The following OTULINL variants were observed in gnomAD, a reference collection of about 807,000 sequenced individuals.
OTULINL encodes OTU deubiquitinase with linear linkage specificity like.
OTULINL carries 42 observed loss-of-function variants against 43.9 expected under a neutral mutation model. The ratio of observed to expected loss-of-function variants is 0.96; its 90% confidence interval spans 0.75 to 1.24. OTULINL has a LOEUF of 1.24. Among genes scored for constraint, OTULINL ranks in the 50% most tolerant of loss-of-function variants. The pLI, the probability that OTULINL is intolerant of heterozygous loss-of-function variation, is 0.00. For missense variants in OTULINL, 411 were observed against 426.4 expected, an observed-to-expected ratio of 0.96 and a Z score of 0.32; for synonymous variants, 172 against 153.6, an observed-to-expected ratio of 1.12 and a Z score of -0.88.
At chr5:14,595,890 T>C (rs148560934) in intron 1 of OTULINL, among the ~76,000 whole-genome samples, 207 of 152,272 alleles carry the variant, frequency 1.4e-3, no homozygotes, top group Admixed American at 4.3e-3. Context: ...TAATACACTT[T>C]GCAATATAAC....
chr5:14,589,041 C>T (rs1046565544), intron 1 of OTULINL, among the ~76,000 whole-genome samples: 7 of 152,134 alleles, frequency 4.6e-5, no homozygotes, highest in African/African-American at 1.7e-4. Context: ...ATCCTGATTA[C>T]ATGATACATT....
intron 1 of OTULINL, among the ~76,000 whole-genome samples, chr5:14,584,269 A>T (rs1026535561): frequency 6.6e-5 from 10 of 152,186 alleles, no homozygotes; most frequent in African/African-American, 2.4e-4. Flanking sequence ...TCTCTCCACC[A>T]CTGTCCATCT....
In OTULINL at chr5:14,581,925, A is replaced by C. The variant is rs1759006221; in HGVS notation, c.31A>C (p.Arg11=). ...GGCGACAAGGAGCCCCACGCGGGCA[A>C]GGGAGCGGGAGCGGTCTGGCGCTCC... The part of the protein sequence containing the change: MAATRSPTRA[R]ERERSGAPAA... The change falls in exon 1 of 8, where the codon AGG becomes CGG. Residue 11 remains arginine, a synonymous_variant. Coordinates refer to ENST00000274217, the MANE Select transcript of OTULINL (RefSeq NM_019018.3). 7.1e-7 allele frequency: 1 copy of C among 1,401,030 alleles called. No homozygotes were observed. The highest frequency in any genetic ancestry group is 1.5e-5 in the African/African-American group (1 of 66,244). The allele number at this position is 1,401,030 out of a possible 1,614,324, so 86.8% of individuals were successfully genotyped here. A position where few individuals can be genotyped will look rare whatever the true frequency, so the allele number is the denominator to read the frequency against.
chr5:14,582,141 G>T (rs1048104860), intron 1 of OTULINL, among the ~76,000 whole-genome samples, 183 bp downstream of exon 1: 20 of 152,066 alleles, frequency 1.3e-4, no homozygotes, highest in African/African-American at 4.8e-4. Flanking sequence ...GTGGGGCGGG[G>T]CTGCACCCCC....
At chr5:14,594,928 C>A (rs780451482) in intron 1 of OTULINL, among the ~76,000 whole-genome samples, 22 of 152,070 alleles carry the variant, frequency 1.4e-4, no homozygotes, top group South Asian at 2.1e-4. Flanking sequence ...CCTATTCCAT[C>A]AGCCTCTCTT....
chr5:14,582,084 G>C, intron 1 of OTULINL, 126 bp downstream of exon 1: 1 of 635,870 alleles, frequency 1.6e-6, no homozygotes, highest in Non-Finnish European at 2.2e-6. Flanking sequence ...TGGGGGCTGG[G>C]AATCCTGGAG....
Position 14,610,126 on chromosome 5 carries a change from T to C in OTULINL, c.898-15T>C, listed in dbSNP as rs201544481. 3 of 1,607,146 alleles carry C rather than the reference T, an allele frequency of 1.9e-6. No homozygotes were observed. In the East Asian group the frequency reaches 6.7e-5, roughly 36 times the overall value. ...CAAGTGTGTATCTGTGACCTGTCTT[T>C]CATCTCATCCACAGATTGATATGTT... On this transcript the variant is annotated splice_polypyrimidine_tract_variant and intron_variant, in intron 7 of 7. Transcript: ENST00000274217.
chr5:14,605,911 G>A (rs773083312), intron 5 of OTULINL, among the ~76,000 whole-genome samples: 4 of 152,020 alleles, frequency 2.6e-5, no homozygotes, highest in African/African-American at 4.8e-5. Flanking sequence ...ACTTTTCCAC[G>A]TTTTCCTGTC....
At chr5:14,593,264 T>C (rs1159031263) in intron 1 of OTULINL, among the ~76,000 whole-genome samples, 1 of 152,188 alleles carries the variant, frequency 6.6e-6, no homozygotes, top group Non-Finnish European at 1.5e-5. Context: ...CCGAGAGGTA[T>C]GTAAGCAGTG....
At chr5:14,587,805 T>G (rs2126770123) in intron 1 of OTULINL, among the ~76,000 whole-genome samples, 1 of 152,340 alleles carries the variant, frequency 6.6e-6, no homozygotes, top group Non-Finnish European at 1.5e-5. Flanking sequence ...TGACCTACCT[T>G]GTACTGTCTT....
intron 1 of OTULINL, among the ~76,000 whole-genome samples, chr5:14,597,187 T>C (rs892278690): frequency 5.9e-5 from 9 of 152,222 alleles, no homozygotes; most frequent in African/African-American, 2.2e-4. Context: ...TATTGGGTAC[T>C]TATGGTGTGT....
chr5:14,614,066 A>G lies in OTULINL; in HGVS notation c.*3752A>G, dbSNP rs250434. Among the ~76,000 whole-genome samples the G allele has an allele frequency of 0.06, 9,094 of 152,298 alleles. 916 individuals are homozygous for G. The highest frequency in any genetic ancestry group is 0.21 in the African/African-American group (8,631 of 41,540). On this transcript the variant is annotated 3_prime_UTR_variant, in exon 8 of 8. Coordinates refer to ENST00000274217, the MANE Select transcript of OTULINL (RefSeq NM_019018.3). ...TATGTGAAAATATATGCAAGCATGA[A>G]TAAAGGGTTGACTAATTCCAGAATT... is the stretch of plus-strand genomic sequence containing the variant.
intron 1 of OTULINL, among the ~76,000 whole-genome samples, chr5:14,585,201 CAACTAGCAGCTGCTAGTTGT>C (rs1435658826): frequency 2.0e-5 from 3 of 150,844 alleles, no homozygotes; most frequent in Admixed American, 6.6e-5. Context: ...CTGCTAGTTA[CAACTAGCAGCTGCTAGTTGT>C]AACTGTCGAG....
chr5:14,581,978 G>A lies in OTULINL; in HGVS notation c.64+20G>A, dbSNP rs1208089712. The A allele has an allele frequency of 2.4e-6, 3 of 1,270,868 alleles. No individual in the cohort carries two copies. Among genetic ancestry groups the A allele is most frequent in the Non-Finnish European group, 3.0e-6 (3 of 1,010,926 alleles). The allele number at this position is 1,270,868 out of a possible 1,614,324, so 78.7% of individuals were successfully genotyped here. On this transcript the variant is annotated intron_variant, in intron 1 of 7. Transcript: ENST00000274217. ...CCGCAGGTGAGCCTGGGGCCGGGCGGGGCGGGGCGGGGGGCGCGAGCAGGG... is the reference window on the plus strand; with the variant it reads ...CCGCAGGTGAGCCTGGGGCCGGGCGAGGCGGGGCGGGGGGCGCGAGCAGGG...
At position 14,602,165 on chromosome 5, in the gene OTULINL, C is replaced by T. The variant is rs759298079; in HGVS notation, c.349-18C>T. 2 of 1,541,506 alleles carry T rather than the reference C, an allele frequency of 1.3e-6. No individual in the cohort carries two copies. Among genetic ancestry groups the T allele is most frequent in the Non-Finnish European group, 1.7e-6 (2 of 1,143,682 alleles). On this transcript the variant is annotated intron_variant, in intron 4 of 7. Transcript: ENST00000274217. ...TCCAGTGGAATTAATAAACAACTTT[C>T]TCTTTTTATTTTATTAGGCTTATGA...
chr5:14,583,088 A>G (rs1759043580), intron 1 of OTULINL, among the ~76,000 whole-genome samples: 1 of 152,288 alleles, frequency 6.6e-6, no homozygotes. Flanking sequence ...GATTATGGCA[A>G]ATTGGCAGGT....
intron 1 of OTULINL, among the ~76,000 whole-genome samples, chr5:14,594,289 G>A (rs533815008): frequency 1.3e-5 from 2 of 152,196 alleles, no homozygotes; most frequent in Non-Finnish European, 2.9e-5. Flanking sequence ...GATTTGTTCT[G>A]TGTGTTTTTC....
At chr5:14,610,033 A>T in intron 7 of OTULINL, 108 bp from the exon 8 acceptor site, 1 of 952,424 alleles carries the variant, frequency 1.0e-6, no homozygotes, top group Non-Finnish European at 1.6e-6. Flanking sequence ...TGGGTCTGTC[A>T]ACAAGCAGAT....
intron 1 of OTULINL, among the ~76,000 whole-genome samples, chr5:14,589,021 C>T (rs1759154151): frequency 6.6e-6 from 1 of 152,116 alleles, no homozygotes; most frequent in African/African-American, 2.4e-5. Flanking sequence ...CATGGAGACA[C>T]ATGGACGGGA....
Sources: gnomAD v4.1 joint callset for allele counts (sites outside exome capture counted in the v4.1 genomes callset) on GRCh38, gnomAD v4.1.1 for gene constraint, MANE v1.5 for transcripts, NCBI Gene and HGNC (gene_info 2026-07-23, HGNC 2026-07-21) for gene names.